Variants in SGCD observed in about 807,000 individuals in gnomAD.
The protein encoded by SGCD is sarcoglycan delta.
A neutral mutation model predicts 36.6 loss-of-function variants in SGCD; 18 were observed. That is an observed-to-expected ratio of 0.49 (90% CI 0.34 to 0.73). SGCD has a LOEUF of 0.73. SGCD is among the 30% of genes least tolerant of loss of function. The pLI is 0.01. For missense variants in SGCD, 387 were observed against 346.7 expected, an observed-to-expected ratio of 1.12 and a Z score of -0.92; for synonymous variants, 133 against 130.6, an observed-to-expected ratio of 1.02 and a Z score of -0.12.
chr5:156,459,485 G>A (rs1403820234), intron 3 of SGCD, among the ~76,000 whole-genome samples: 2 of 152,140 alleles, frequency 1.3e-5, no homozygotes, highest in African/African-American at 4.8e-5. Flanking sequence ...CTGTGTCTTG[G>A]AGGAATTGTT....
intron 3 of SGCD, among the ~76,000 whole-genome samples, chr5:156,482,491 G>T (rs1173761298): frequency 1.3e-5 from 2 of 152,116 alleles, no homozygotes; most frequent in Non-Finnish European, 2.9e-5. Flanking sequence ...TGAAGAAAGG[G>T]TCATATGTTT....
intron 7 of SGCD, among the ~76,000 whole-genome samples, chr5:156,718,805 CAA>C (rs34120629): frequency 0.14 from 15,400 of 111,866 alleles, 1,280 homozygotes; most frequent in African/African-American, 0.26. Context: ...CTATTTCTAC[CAA>C]AAAAAAAAAA....
At chr5:156,727,988 G>A (rs891168229) in intron 7 of SGCD, among the ~76,000 whole-genome samples, 2 of 152,152 alleles carry the variant, frequency 1.3e-5, no homozygotes, top group African/African-American at 4.8e-5. Context: ...GCTGGACACT[G>A]TTCTAAGTAT....
At chr5:156,458,851 T>C (rs1754364875) in intron 3 of SGCD, among the ~76,000 whole-genome samples, 1 of 152,166 alleles carries the variant, frequency 6.6e-6, no homozygotes, top group Non-Finnish European at 1.5e-5. Flanking sequence ...TGGTGAGTCT[T>C]CAGTGGATTT....
the SGCD span, among the ~76,000 whole-genome samples, chr5:155,856,298 C>A: frequency 2.6e-5 from 4 of 151,916 alleles, no homozygotes; most frequent in African/African-American, 9.7e-5. Flanking sequence ...AAAACATTGA[C>A]CCAAAAAATG....
chr5:155,886,504 G>A (rs573620544), intron 1 of SGCD, among the ~76,000 whole-genome samples: 6 of 151,248 alleles, frequency 4.0e-5, no homozygotes, highest in South Asian at 2.1e-4. Context: ...GCGCGCACGC[G>A]CGCGTGCGTG....
upstream of SGCD, among the ~76,000 whole-genome samples, chr5:156,323,746 A>G (rs960240347): frequency 1.3e-5 from 2 of 152,230 alleles, no homozygotes; most frequent in African/African-American, 4.8e-5. Context: ...GAAGTCTGTG[A>G]GAAGCAAAGA....
Position 156,761,229 on chromosome 5 carries a change from C to CACTT in SGCD, c.*1845_*1848dup, listed in dbSNP as rs1472547218. 3 of 152,182 alleles carry CACTT rather than the reference C, an allele frequency of 2.0e-5. No individual in the cohort carries two copies. Among genetic ancestry groups the CACTT allele is most frequent in the Non-Finnish European group, 4.4e-5 (3 of 68,060 alleles). 9.4% of individuals were successfully genotyped at this position (152,182 alleles called of 1,614,324 possible). A position where few individuals can be genotyped will look rare whatever the true frequency, so the allele number is the denominator to read the frequency against. ...AAAAGCAAGCTGTGTGTTGCTTAGT[C>CACTT]ACTTACTTAGAAGTAGATGGTGGGG... is the stretch of plus-strand genomic sequence containing the variant. On this transcript the variant is annotated 3_prime_UTR_variant, in exon 9 of 9. Coordinates refer to ENST00000337851, the MANE Select transcript of SGCD (RefSeq NM_000337.6).
At chr5:155,898,059 G>A (rs1756307049) in intron 1 of SGCD, among the ~76,000 whole-genome samples, 1 of 152,142 alleles carries the variant, frequency 6.6e-6, no homozygotes, top group Admixed American at 6.5e-5. Context: ...CTTTTGGTTT[G>A]GACTCGGAAA....
At chr5:156,368,997 G>T (rs978699074) in intron 3 of SGCD, among the ~76,000 whole-genome samples, 16 of 152,180 alleles carry the variant, frequency 1.1e-4, no homozygotes, top group African/African-American at 3.1e-4. Flanking sequence ...AAAGGTTGGG[G>T]ACCGCTGCTC....
chr5:155,918,429 G>T (rs1161131685), intron 1 of SGCD, among the ~76,000 whole-genome samples: 2 of 152,152 alleles, frequency 1.3e-5, no homozygotes, highest in East Asian at 1.9e-4. Context: ...CAGCCATGGT[G>T]CTGGGCATCT....
intron 1 of SGCD, among the ~76,000 whole-genome samples, chr5:156,031,983 T>C (rs540464818): frequency 4.2e-4 from 64 of 152,296 alleles, no homozygotes; most frequent in African/African-American, 1.5e-3. Flanking sequence ...ATGATATAGA[T>C]AGATAATCAT....
chr5:155,743,825 C>T, the SGCD span, among the ~76,000 whole-genome samples: 83 of 152,238 alleles, frequency 5.5e-4, no homozygotes, highest in African/African-American at 1.9e-3. Context: ...CTGCAAATAC[C>T]CATATATTGC....
At chr5:156,490,477 T>C (rs570935925) in intron 3 of SGCD, among the ~76,000 whole-genome samples, 37 of 91,974 alleles carry the variant, frequency 4.0e-4, no homozygotes, top group African/African-American at 1.7e-3. Context: ...GTAAACCGAA[T>C]GTAACATATC....
chr5:156,674,940 A>G (rs1753448590), intron 7 of SGCD, among the ~76,000 whole-genome samples: 1 of 152,182 alleles, frequency 6.6e-6, no homozygotes, highest in African/African-American at 2.4e-5. Context: ...CATTGTATTG[A>G]TGAGAAAACT....
intron 3 of SGCD, among the ~76,000 whole-genome samples, chr5:156,269,500 A>AAC (rs1554088834): frequency 1.4e-4 from 12 of 85,482 alleles, no homozygotes; most frequent in African/African-American, 6.1e-4. Context: ...AAAAAAAAAA[A>AAC]AAAAAAAAAA....
chr5:156,571,530 C>G (rs554647939), intron 4 of SGCD, among the ~76,000 whole-genome samples: 12 of 152,210 alleles, frequency 7.9e-5, no homozygotes, highest in African/African-American at 1.9e-4. Context: ...TCTCTCTCCC[C>G]CTGAATGTAT....
chr5:155,771,481 T>C, the SGCD span, among the ~76,000 whole-genome samples: 1 of 151,930 alleles, frequency 6.6e-6, no homozygotes, highest in Non-Finnish European at 1.5e-5. Flanking sequence ...TAGAGGGCAG[T>C]GGCGTGATAT....
intron 3 of SGCD, among the ~76,000 whole-genome samples, chr5:156,320,380 G>A (rs1421356939): frequency 1.3e-5 from 2 of 152,086 alleles, no homozygotes; most frequent in East Asian, 3.9e-4. Context: ...TCCTTTTATT[G>A]ATCAATAAAT....
Sources: allele counts gnomAD v4.1 joint callset (sites outside exome capture counted in the v4.1 genomes callset), GRCh38; gene constraint gnomAD v4.1.1; transcripts MANE v1.5; gene names NCBI Gene and HGNC (gene_info 2026-07-23, HGNC 2026-07-21).